The following TMTC1 variants were observed in gnomAD, a reference collection of about 807,000 sequenced individuals.
TMTC1 encodes protein O-mannosyl-transferase TMTC1.
A neutral mutation model predicts 104.8 loss-of-function variants in TMTC1; 73 were observed. That is an observed-to-expected ratio of 0.70 (90% CI 0.58 to 0.85). The LOEUF (loss-of-function observed/expected upper bound fraction) is 0.85. Ranked by LOEUF, TMTC1 falls within the 40% of genes least tolerant of loss-of-function variation. The pLI, the probability that TMTC1 is intolerant of heterozygous loss-of-function variation, is 0.00. For synonymous variants in TMTC1, 434 were observed against 428.7 expected (o/e 1.01, Z -0.15); for missense variants, 1,035 against 1,096.1 (o/e 0.94, Z 0.79).
At chr12:29,779,077 AT>A (rs1214743091) in intron 1 of TMTC1, among the ~76,000 whole-genome samples, 1 of 152,214 alleles carries the variant, frequency 6.6e-6, no homozygotes, top group African/African-American at 2.4e-5. Flanking sequence ...GCAGAGCTGC[AT>A]ACACACCTGC....
intron 6 of TMTC1, among the ~76,000 whole-genome samples, chr12:29,622,333 CT>C (rs1455742348): frequency 6.6e-6 from 1 of 152,122 alleles, no homozygotes; most frequent in Middle Eastern, 3.2e-3. Flanking sequence ...ATGGTGTTTC[CT>C]CTGTAATGCA....
At chr12:29,696,432 C>T (rs1380757625) in intron 5 of TMTC1, among the ~76,000 whole-genome samples, 2 of 152,164 alleles carry the variant, frequency 1.3e-5, no homozygotes, top group South Asian at 2.1e-4. Context: ...AGCTACCCCA[C>T]CTTTGAAATA....
At chr12:29,642,961 A>AAAC (rs1049661162) in intron 5 of TMTC1, among the ~76,000 whole-genome samples, 3 of 151,880 alleles carry the variant, frequency 2.0e-5, no homozygotes, top group Middle Eastern at 3.4e-3. Flanking sequence ...ACAAACAAAA[A>AAAC]AACCCATCAA....
chr12:29,665,817 C>T (rs1940254424), intron 5 of TMTC1, among the ~76,000 whole-genome samples: 1 of 152,158 alleles, frequency 6.6e-6, no homozygotes, highest in African/African-American at 2.4e-5. Context: ...TTTCATCCTC[C>T]ACCGTCTCCC....
chr12:29,583,340 G>A (rs1319894607), intron 8 of TMTC1, 67 bp downstream of exon 8: 3 of 1,508,092 alleles, frequency 2.0e-6, no homozygotes, highest in Non-Finnish European at 2.7e-6. Flanking sequence ...TACCTCATTT[G>A]TTTGGAAACA....
rs192426854 is a variant in TMTC1, at chr12:29,739,993, A to C, written c.938+11673T>G. On this transcript the variant is annotated intron_variant, in intron 5 of 17. Transcript: ENST00000539277. The stretch of plus-strand genomic sequence containing the variant: ...AGTGCTGGGATTACAGGAGTGAGCC[A>C]CTGCTCCCAGCCCCCATCTTTCTTT... Among the ~76,000 whole-genome samples, 519 of 151,946 alleles carry C rather than the reference A, an allele frequency of 3.4e-3. 1 individual carries two copies. The highest frequency in any genetic ancestry group is 5.2e-3 in the Non-Finnish European group (354 of 67,978).
At chr12:29,661,490 C>T (rs1424184407) in intron 5 of TMTC1, 1 of 184,964 alleles carries the variant, frequency 5.4e-6, no homozygotes, top group Non-Finnish European at 9.9e-6. Context: ...GGTGCGATCT[C>T]AGCTCACTGC....
chr12:29,619,069 T>C (rs1947062332), intron 6 of TMTC1, among the ~76,000 whole-genome samples: 1 of 152,066 alleles, frequency 6.6e-6, no homozygotes, highest in Non-Finnish European at 1.5e-5. Context: ...TCACAAAGCA[T>C]ACAAATCAGG....
At chr12:29,750,612 CAA>C (rs1030623406) in intron 5 of TMTC1, among the ~76,000 whole-genome samples, 1 of 152,166 alleles carries the variant, frequency 6.6e-6, no homozygotes, top group Non-Finnish European at 1.5e-5. Context: ...TAACTGGAAA[CAA>C]AGACTGCAGA....
intron 5 of TMTC1, chr12:29,666,389 T>C (rs181643049): frequency 1.5e-5 from 5 of 338,126 alleles, no homozygotes; most frequent in Non-Finnish European, 2.3e-5. Context: ...GGCTAATTTT[T>C]TTTTTGTTGT....
At chr12:29,639,106 G>A (rs942322700) in intron 5 of TMTC1, among the ~76,000 whole-genome samples, 5 of 152,142 alleles carry the variant, frequency 3.3e-5, no homozygotes, top group African/African-American at 7.2e-5. Flanking sequence ...TAATTATCCC[G>A]TACGCCTTCC....
intron 3 of TMTC1, among the ~76,000 whole-genome samples, chr12:29,757,700 A>G (rs1943247325): frequency 6.6e-6 from 1 of 152,190 alleles, no homozygotes; most frequent in Non-Finnish European, 1.5e-5. Flanking sequence ...TGGGCCACTT[A>G]CAAAAGAAAG....
chr12:29,580,643 C>G (rs892846277), intron 8 of TMTC1, among the ~76,000 whole-genome samples: 1 of 152,280 alleles, frequency 6.6e-6, no homozygotes, highest in Non-Finnish European at 1.5e-5. Context: ...GCATCACCAT[C>G]TCTAGAATTA....
intron 5 of TMTC1, among the ~76,000 whole-genome samples, chr12:29,719,789 G>C (rs1407621083): frequency 6.6e-6 from 1 of 152,156 alleles, no homozygotes; most frequent in African/African-American, 2.4e-5. Flanking sequence ...TTTGGTTTCT[G>C]AGAACTACTT....
intron 5 of TMTC1, among the ~76,000 whole-genome samples, chr12:29,672,126 T>C (rs529198743): frequency 1.3e-5 from 2 of 152,296 alleles, no homozygotes; most frequent in Admixed American, 1.3e-4. Flanking sequence ...CCCTACATGA[T>C]TGATGGTGAC....
At chr12:29,704,336 T>A (rs561544980) in intron 5 of TMTC1, among the ~76,000 whole-genome samples, 2 of 152,306 alleles carry the variant, frequency 1.3e-5, no homozygotes, top group African/African-American at 4.8e-5. Context: ...CAATTTCAAG[T>A]CATGCACCTA....
At chr12:29,564,036 G>C (rs1945446307) in intron 9 of TMTC1, among the ~76,000 whole-genome samples, 2 of 152,100 alleles carry the variant, frequency 1.3e-5, no homozygotes, top group Admixed American at 6.6e-5. Flanking sequence ...TGCGAGGGAG[G>C]GGTAAGAGCA....
At chr12:29,562,746 G>T (rs551923512) in intron 9 of TMTC1, among the ~76,000 whole-genome samples, 2 of 152,142 alleles carry the variant, frequency 1.3e-5, no homozygotes, top group Non-Finnish European at 2.9e-5. Context: ...GTGAATAAAT[G>T]GGCTTCTACA....
At chr12:29,616,669 CAA>C (rs71045821) in intron 6 of TMTC1, among the ~76,000 whole-genome samples, 1,550 of 79,764 alleles carry the variant, frequency 0.019, 6 homozygotes, top group Non-Finnish European at 0.027. Flanking sequence ...AACTTGGTCT[CAA>C]AAAAAAAAAA....
Sources: allele counts gnomAD v4.1 joint callset (sites outside exome capture counted in the v4.1 genomes callset), GRCh38; gene constraint gnomAD v4.1.1; transcripts MANE v1.5; gene names NCBI Gene and HGNC (gene_info 2026-07-23, HGNC 2026-07-21).